Variants in GIGYF2 observed in about 807,000 individuals in gnomAD.
GIGYF2 encodes GRB10-interacting GYF protein 2.
A neutral mutation model predicts 208.1 loss-of-function variants in GIGYF2; 25 were observed. The observed-to-expected ratio is 0.12, with a 90% CI of 0.09 to 0.17. The LOEUF (loss-of-function observed/expected upper bound fraction) is 0.17. Among genes scored for constraint, GIGYF2 ranks in the 10% least tolerant of loss-of-function variants. GIGYF2 has a pLI of 1.00. For synonymous variants in GIGYF2, 534 were observed against 543.8 expected, an observed-to-expected ratio of 0.98 and a Z score of 0.25; for missense variants, 1,302 against 1,579.4, an observed-to-expected ratio of 0.82 and a Z score of 2.98.
chr2:232,704,856 A>ATTGTTTTTTT (rs1696014169), intron 2 of GIGYF2, among the ~76,000 whole-genome samples: 1 of 101,958 alleles, frequency 9.8e-6, no homozygotes, highest in Non-Finnish European at 1.8e-5. Context: ...TAACTTCTGG[A>ATTGTTTTTTT]TTTTTTTTTT....
At position 232,815,628 on chromosome 2, in the gene GIGYF2, G is replaced by T. The variant is rs1450464344; in HGVS notation, c.2108-9G>T. ...GTCATTCCTCGTTGTTTCTTTTGTT[G>T]TCTTACAGTTTGGGAAGGTGGTAGT... is the stretch of plus-strand genomic sequence containing the variant. On this transcript the variant is annotated splice_polypyrimidine_tract_variant and intron_variant, in intron 18 of 28. Transcript: ENST00000373563. 6.4e-6 allele frequency: 9 copies of T among 1,412,118 alleles called. No individual in the cohort carries two copies. Among genetic ancestry groups the T allele is most frequent in the Non-Finnish European group, 9.0e-6 (9 of 995,680 alleles). 87.5% of individuals were successfully genotyped at this position (1,412,118 alleles called of 1,614,324 possible).
Position 232,753,901 on chromosome 2 carries a change from C to T in GIGYF2, c.268-2322C>T, listed in dbSNP as rs867838257. Among the ~76,000 whole-genome samples, 20 of 152,216 alleles carry T rather than the reference C, an allele frequency of 1.3e-4. No homozygotes were observed. In the South Asian group the frequency reaches 2.1e-3, roughly 16 times the overall value. ...AGATTTGTGGCCCGGCACAGTGGCTCACACCTGTAATCCCAGCACTTTGGG... is the reference window on the plus strand; with the variant it reads ...AGATTTGTGGCCCGGCACAGTGGCTTACACCTGTAATCCCAGCACTTTGGG... On this transcript the variant is annotated intron_variant, in intron 5 of 28. Coordinates refer to ENST00000373563, the MANE Select transcript of GIGYF2 (RefSeq NM_001103146.3).
intron 5 of GIGYF2, among the ~76,000 whole-genome samples, chr2:232,751,177 T>C (rs1698327215): frequency 1.3e-5 from 2 of 152,166 alleles, no homozygotes; most frequent in South Asian, 4.1e-4. Context: ...CAGTAAGTTT[T>C]CTAAATGTTA....
intron 2 of GIGYF2, among the ~76,000 whole-genome samples, chr2:232,719,645 A>C (rs1427146183): frequency 1.3e-5 from 2 of 152,214 alleles, no homozygotes; most frequent in Non-Finnish European, 2.9e-5. Flanking sequence ...TTATAGAAAA[A>C]TATAGGGAGA....
rs1700564359 is a variant in GIGYF2 at position 232,806,409 on chromosome 2, A to T, written c.1640-82A>T. On this transcript the variant is annotated intron_variant, in intron 14 of 28. Transcript: ENST00000373563. This position sits in a 1 kb window ranked among gnomAD's most constrained non-coding sequence, Gnocchi z 4.0. ...TTTTGACAGATGCCACCTCGATGAG[A>T]ATCAGATGCAGGAAATATTTTTTTT... 1.0e-6 allele frequency: 1 copy of T among 956,438 alleles called. No individual in the cohort carries two copies. The highest frequency in any genetic ancestry group is 1.7e-6 in the Non-Finnish European group (1 of 580,412). 59.2% of individuals were successfully genotyped at this position (956,438 alleles called of 1,614,324 possible).
rs1172308444 is a variant in GIGYF2, at chr2:232,823,367, C to CT, written c.2529+3397dup. Among the ~76,000 whole-genome samples, 85 of 27,864 alleles carry CT rather than the reference C, an allele frequency of 3.1e-3. 1 individual carries two copies. The highest frequency in any genetic ancestry group is 0.015 in the East Asian group (10 of 658). The allele number at this position is 27,864 out of a possible 152,430, so 18.3% of individuals were successfully genotyped here. ...CTTTCTCTTTTTCCTTTCTTTCTTT[C>CT]TTTTTTTTTTTTTTTATTGAGATGG... On this transcript the variant is annotated intron_variant, in intron 21 of 28. Transcript: ENST00000373563.
At chr2:232,759,514 A>G (rs946592409) in intron 6 of GIGYF2, among the ~76,000 whole-genome samples, 1 of 152,194 alleles carries the variant, frequency 6.6e-6, no homozygotes, top group Admixed American at 6.5e-5. Flanking sequence ...CGGTGCAGCT[A>G]TATCATTTAT....
rs797015553 is a variant in GIGYF2 at position 232,730,068 on chromosome 2, G to A, written c.-43-5087G>A. ...GGCATAACACAAGTCAGCAGGCGGT[G>A]GGCCAGATGCTGCTTCAAATACTGC... On this transcript the variant is annotated intron_variant, in intron 2 of 28. Coordinates refer to ENST00000373563, the MANE Select transcript of GIGYF2 (RefSeq NM_001103146.3). The A allele has an allele frequency of 2.4e-5, 25 of 1,044,078 alleles. No homozygotes were observed. In the African/African-American group the frequency reaches 3.9e-4, roughly 16 times the overall value. 64.7% of individuals were successfully genotyped at this position (1,044,078 alleles called of 1,614,324 possible).
chr2:232,837,655 T>G (rs1453347407), intron 22 of GIGYF2, among the ~76,000 whole-genome samples: 1 of 152,008 alleles, frequency 6.6e-6, no homozygotes, highest in Non-Finnish European at 1.5e-5. Context: ...AATGGGATTT[T>G]GCCATGTTGG....
At position 232,833,084 on chromosome 2, in the gene GIGYF2, G is replaced by A. The variant is rs1288988540; in HGVS notation, c.2757G>A (p.Ala919=). 8 of 1,550,890 alleles carry A rather than the reference G, an allele frequency of 5.2e-6. No individual in the cohort carries two copies. Among genetic ancestry groups the A allele is most frequent in the Middle Eastern group, 1.7e-4 (1 of 5,982 alleles). ...AGCAGCAGCAGCAACAACAGCTGGC[G>A]CAGATGAAGGTAAAGCCCGAGGCAT... ...LQQQQQQQQL[A]QMKLPSSSTW... is the part of the protein sequence containing the mutation. Residue 919 remains alanine, a synonymous_variant, in exon 22 of 29, where the codon GCG becomes GCA. Coordinates refer to ENST00000373563, the MANE Select transcript of GIGYF2 (RefSeq NM_001103146.3).
chr2:232,841,787 A>T (rs574288796), intron 23 of GIGYF2, among the ~76,000 whole-genome samples: 2 of 152,022 alleles, frequency 1.3e-5, no homozygotes, highest in Non-Finnish European at 2.9e-5. Flanking sequence ...ACCTGTTCCA[A>T]TCAGGACACT....
At chr2:232,707,293 T>C (rs1696163207) in intron 2 of GIGYF2, among the ~76,000 whole-genome samples, 1 of 152,198 alleles carries the variant, frequency 6.6e-6, no homozygotes, top group Non-Finnish European at 1.5e-5. Context: ...GTCTCTTCAG[T>C]ATTGGTCCTT....
chr2:232,769,695 G>C (rs1038327640), intron 8 of GIGYF2, among the ~76,000 whole-genome samples: 1 of 151,892 alleles, frequency 6.6e-6, no homozygotes, highest in Admixed American at 6.6e-5. Context: ...AATCAGTTTT[G>C]TGCCACAGAT....
intron 2 of GIGYF2, among the ~76,000 whole-genome samples, chr2:232,724,206 T>C (rs2106278107): frequency 9.7e-6 from 1 of 102,982 alleles, no homozygotes; most frequent in African/African-American, 3.5e-5. Context: ...CACACCTGGC[T>C]ATTTTTTTTT....
chr2:232,704,596 C>T (rs1574762090), intron 2 of GIGYF2, among the ~76,000 whole-genome samples: 1 of 151,958 alleles, frequency 6.6e-6, no homozygotes, highest in South Asian at 2.1e-4. Flanking sequence ...GGGGTTTTGC[C>T]GTGTTGGCCA....
At chr2:232,775,906 A>G (rs1699491563) in intron 8 of GIGYF2, among the ~76,000 whole-genome samples, 1 of 152,212 alleles carries the variant, frequency 6.6e-6, no homozygotes, top group Non-Finnish European at 1.5e-5. Context: ...GGCAAACACT[A>G]TTGAGTTCTA....
At chr2:232,807,904 A>G (rs1345090190) in intron 15 of GIGYF2, among the ~76,000 whole-genome samples, 1 of 152,220 alleles carries the variant, frequency 6.6e-6, no homozygotes, top group Non-Finnish European at 1.5e-5. Flanking sequence ...GCATTTCTAC[A>G]GTAAAGTCAC....
chr2:232,838,194 A>G (rs752320248), intron 22 of GIGYF2, among the ~76,000 whole-genome samples: 1 of 152,188 alleles, frequency 6.6e-6, no homozygotes, highest in Non-Finnish European at 1.5e-5. Context: ...GAACAGACCT[A>G]TGAAATATAG....
intron 26 of GIGYF2, among the ~76,000 whole-genome samples, chr2:232,847,088 G>T (rs1047796662): frequency 1.3e-5 from 2 of 152,132 alleles, no homozygotes; most frequent in Non-Finnish European, 2.9e-5. Context: ...AATTACTTCA[G>T]CCTTAGTCAA....
Sources: gnomAD v4.1 joint callset for allele counts (sites outside exome capture counted in the v4.1 genomes callset) on GRCh38, gnomAD v4.1.1 for gene constraint, Gnocchi (gnomAD v3.1) non-coding constraint, MANE v1.5 for transcripts, NCBI Gene and HGNC (gene_info 2026-07-23, HGNC 2026-07-21) for gene names.